The following WWC2 variants were observed in gnomAD, a reference collection of about 807,000 sequenced individuals.
The protein encoded by WWC2 is protein WWC2.
A neutral mutation model predicts 138.5 loss-of-function variants in WWC2; 101 were observed. The ratio of observed to expected loss-of-function variants is 0.73; its 90% CI spans 0.62 to 0.86. The LOEUF (loss-of-function observed/expected upper bound fraction) is 0.86, where lower values mean the gene tolerates loss of function less well. Among genes scored for constraint, WWC2 ranks in the 40% least tolerant of loss-of-function variants. The pLI, the probability that WWC2 is intolerant of heterozygous loss-of-function variation, is 0.00. For synonymous variants in WWC2, 558 were observed against 538.4 expected (o/e 1.04, Z -0.50); for missense variants, 1,420 against 1,419.4 (o/e 1.00, Z -0.01).
At chr4:183,308,066 A>G (rs555167744) in intron 21 of WWC2, among the ~76,000 whole-genome samples, 3 of 152,216 alleles carry the variant, frequency 2.0e-5, no homozygotes, top group African/African-American at 7.2e-5. Context: ...AAAGTTAATC[A>G]CTTTTCTATA....
chr4:183,227,347 G>A (rs952808585), intron 4 of WWC2, among the ~76,000 whole-genome samples: 7 of 152,128 alleles, frequency 4.6e-5, no homozygotes, highest in East Asian at 3.9e-4. Flanking sequence ...GCAGATGCAC[G>A]TCTTCTCCAG....
intron 15 of WWC2, chr4:183,269,455 G>A (rs768940208): frequency 1.8e-6 from 1 of 549,962 alleles, no homozygotes; most frequent in East Asian, 4.8e-5. Flanking sequence ...CACTCATGGA[G>A]TGTGCTTACC....
At chr4:183,128,043 G>GAAAAAA (rs528448875) in intron 1 of WWC2, among the ~76,000 whole-genome samples, 2 of 120,758 alleles carry the variant, frequency 1.7e-5, no homozygotes, top group Admixed American at 1.7e-4. Flanking sequence ...CCCCATCTCT[G>GAAAAAA]AAAAAAAAAA....
At chr4:183,281,652 TAGAG>T (rs1279269512) in intron 17 of WWC2, among the ~76,000 whole-genome samples, 4 of 152,132 alleles carry the variant, frequency 2.6e-5, no homozygotes, top group African/African-American at 9.7e-5. Flanking sequence ...TTTAGAAACT[TAGAG>T]TGACACGATA....
intron 1 of WWC2, among the ~76,000 whole-genome samples, chr4:183,151,679 C>G (rs937584131): frequency 2.1e-4 from 32 of 152,190 alleles, no homozygotes; most frequent in African/African-American, 7.5e-4. Context: ...TTAGGTCTAA[C>G]ATTTAAGTCT....
chr4:183,150,394 T>C (rs932641332), intron 1 of WWC2, among the ~76,000 whole-genome samples: 7 of 152,136 alleles, frequency 4.6e-5, no homozygotes, highest in African/African-American at 1.7e-4. Context: ...AAAATCAAAG[T>C]CTGAGTTAGA....
chr4:183,189,584 TTAGAG>T (rs1734932005), intron 1 of WWC2, among the ~76,000 whole-genome samples: 2 of 152,234 alleles, frequency 1.3e-5, no homozygotes, highest in African/African-American at 4.8e-5. Flanking sequence ...CCCTGTTCTC[TTAGAG>T]CAATTCAGTG....
chr4:183,216,746 G>A (rs889465633), intron 4 of WWC2, among the ~76,000 whole-genome samples: 2 of 152,204 alleles, frequency 1.3e-5, no homozygotes, highest in Non-Finnish European at 2.9e-5. Flanking sequence ...TGGCGGAGAA[G>A]TGGCTAGAAT....
chr4:183,292,757 C>G (rs1738498035), intron 21 of WWC2, among the ~76,000 whole-genome samples: 1 of 152,136 alleles, frequency 6.6e-6, no homozygotes, highest in African/African-American at 2.4e-5. Flanking sequence ...AGAGAGAACA[C>G]TTCCACAACT....
At position 183,165,269 on chromosome 4, in the gene WWC2, C is replaced by G. The variant is rs569618414; in HGVS notation, c.132-28330C>G. ...TCAGGGCTTTGGAAGGGCCTCTTGA[C>G]TGGGGTTTGGTGTGTGGAGAGTGGA... On this transcript the variant is annotated intron_variant, in intron 1 of 22. Transcript: ENST00000403733. Among the ~76,000 whole-genome samples the G allele has an allele frequency of 8.2e-4, 125 of 152,214 alleles. 2 individuals carry two copies. Among genetic ancestry groups the G allele is most frequent in the African/African-American group, 2.9e-3 (122 of 41,524 alleles).
At chr4:183,123,579 G>A (rs1356431404) in intron 1 of WWC2, among the ~76,000 whole-genome samples, 1 of 151,900 alleles carries the variant, frequency 6.6e-6, no homozygotes, top group Non-Finnish European at 1.5e-5. Context: ...AGTGTAAGGG[G>A]GTCTATCCTG....
chr4:183,289,661 CG>C (rs777227048), intron 21 of WWC2, 26 bp downstream of exon 21: 1 of 1,607,448 alleles, frequency 6.2e-7, no homozygotes, highest in Admixed American at 1.7e-5. Flanking sequence ...TCTGTCATCT[CG>C]GAGGGGCTTA....
chr4:183,174,195 A>T (rs1397711791), intron 1 of WWC2, among the ~76,000 whole-genome samples: 1 of 152,164 alleles, frequency 6.6e-6, no homozygotes, highest in Non-Finnish European at 1.5e-5. Flanking sequence ...AGCCACCTGG[A>T]AGTCCACGGC....
chr4:183,221,835 G>A (rs539722866), intron 4 of WWC2, among the ~76,000 whole-genome samples: 18 of 152,080 alleles, frequency 1.2e-4, no homozygotes, highest in Non-Finnish European at 2.2e-4. Context: ...TTTGGAAAGC[G>A]GGTTAGCGAT....
intron 4 of WWC2, among the ~76,000 whole-genome samples, chr4:183,216,900 G>C (rs1445808396): frequency 6.6e-6 from 1 of 152,186 alleles, no homozygotes; most frequent in Non-Finnish European, 1.5e-5. Context: ...AATACCATGA[G>C]GCTGGAGAAA....
intron 1 of WWC2, among the ~76,000 whole-genome samples, chr4:183,108,133 A>G (rs1460389285): frequency 6.6e-6 from 1 of 152,200 alleles, no homozygotes; most frequent in Non-Finnish European, 1.5e-5. Flanking sequence ...ATGATTTGAC[A>G]TGTAAAGGCT....
At chr4:183,130,998 C>A (rs1732910191) in intron 1 of WWC2, among the ~76,000 whole-genome samples, 1 of 152,150 alleles carries the variant, frequency 6.6e-6, no homozygotes, top group South Asian at 2.1e-4. Flanking sequence ...TCACTGCAAT[C>A]AAGACAGTGT....
chr4:183,143,066 A>G (rs1387102946), intron 1 of WWC2, among the ~76,000 whole-genome samples: 1 of 152,162 alleles, frequency 6.6e-6, no homozygotes, highest in Admixed American at 6.6e-5. Context: ...TCCCCACACC[A>G]TGTTTATTTG....
chr4:183,292,765 A>G (rs575953387), intron 21 of WWC2, among the ~76,000 whole-genome samples: 12 of 152,324 alleles, frequency 7.9e-5, no homozygotes, highest in Admixed American at 4.6e-4. Flanking sequence ...CACTTCCACA[A>G]CTAATTTTAT....
Sources: gnomAD v4.1 joint callset for allele counts (sites outside exome capture counted in the v4.1 genomes callset) on GRCh38, gnomAD v4.1.1 for gene constraint, MANE v1.5 for transcripts, NCBI Gene and HGNC (gene_info 2026-07-23, HGNC 2026-07-21) for gene names.